The following SEMA3A variants were observed in gnomAD, a reference collection of about 807,000 sequenced individuals.
SEMA3A encodes the protein semaphorin-3A.
In SEMA3A, 29 loss-of-function variants were observed where a neutral mutation model predicts 97.9. That is an observed-to-expected ratio of 0.30 (90% CI 0.22 to 0.40). The LOEUF is 0.40. SEMA3A is among the 10% of genes least tolerant of loss of function. The pLI, the probability that SEMA3A is intolerant of heterozygous loss-of-function variation, is 1.00. For synonymous variants in SEMA3A, 321 were observed against 323.7 expected, an observed-to-expected ratio of 0.99 and a Z score of 0.09; for missense variants, 763 against 951.3, an observed-to-expected ratio of 0.80 and a Z score of 2.60.
intron 3 of SEMA3A, among the ~76,000 whole-genome samples, chr7:84,124,928 CTT>C (rs1489690074): frequency 6.6e-6 from 1 of 151,602 alleles, no homozygotes; most frequent in Non-Finnish European, 1.5e-5. Context: ...TAAAATATAT[CTT>C]GCATAAAAAA....
intron 1 of SEMA3A, among the ~76,000 whole-genome samples, chr7:84,447,649 G>T (rs572485978): frequency 7.7e-4 from 118 of 152,302 alleles, no homozygotes; most frequent in African/African-American, 2.8e-3. Context: ...TCTCCTAAGA[G>T]CTGTTCTGTC....
chr7:84,313,042 T>C (rs2115873193), intron 2 of SEMA3A, among the ~76,000 whole-genome samples: 1 of 144,132 alleles, frequency 6.9e-6, no homozygotes, highest in South Asian at 2.1e-4. Flanking sequence ...TACACATATA[T>C]AAGTGTATAT....
chr7:84,107,387 T>G (rs1795143358), intron 4 of SEMA3A, among the ~76,000 whole-genome samples: 1 of 152,206 alleles, frequency 6.6e-6, no homozygotes, highest in Non-Finnish European at 1.5e-5. Context: ...TTTCATAGAT[T>G]GACTGTCTAG....
intron 6 of SEMA3A, among the ~76,000 whole-genome samples, chr7:84,034,266 G>C (rs189960580): frequency 3.3e-5 from 5 of 152,302 alleles, no homozygotes; most frequent in African/African-American, 1.2e-4. Context: ...TTACAGGCAT[G>C]AGCCACTGCG....
chr7:84,405,947 G>A (rs1584298045), intron 1 of SEMA3A, among the ~76,000 whole-genome samples: 2 of 152,052 alleles, frequency 1.3e-5, no homozygotes, highest in South Asian at 2.1e-4. Flanking sequence ...GAGAAAGCAG[G>A]AAAGATCTAA....
At chr7:84,487,281 T>C (rs145059711) in intron 1 of SEMA3A, among the ~76,000 whole-genome samples, 206 of 152,064 alleles carry the variant, frequency 1.4e-3, no homozygotes, top group Non-Finnish European at 2.5e-3. Context: ...GAGCCCCCCA[T>C]GCAAAGGGAA....
chr7:84,038,588 C>G (rs1206199828), intron 6 of SEMA3A, among the ~76,000 whole-genome samples: 2 of 152,026 alleles, frequency 1.3e-5, no homozygotes, highest in African/African-American at 2.4e-5. Flanking sequence ...TTGCCGAAGT[C>G]AGACAGTAGG....
intron 4 of SEMA3A, among the ~76,000 whole-genome samples, chr7:84,078,056 T>G (rs537686701): frequency 6.6e-6 from 1 of 152,182 alleles, no homozygotes; most frequent in South Asian, 2.1e-4. Flanking sequence ...GAGAAACACT[T>G]TGAAGAAAAT....
At chr7:84,066,260 G>A (rs1013178047) in intron 4 of SEMA3A, among the ~76,000 whole-genome samples, 2 of 151,964 alleles carry the variant, frequency 1.3e-5, no homozygotes, top group African/African-American at 4.8e-5. Flanking sequence ...AGGTATTGAT[G>A]GGACGTATTT....
intron 3 of SEMA3A, among the ~76,000 whole-genome samples, chr7:84,229,216 A>T (rs900148972): frequency 3.9e-5 from 6 of 152,048 alleles, no homozygotes; most frequent in African/African-American, 1.4e-4. Flanking sequence ...GAGCAGTAGT[A>T]TTTTCCCTTG....
chr7:84,090,815 C>T (rs1249384969), intron 4 of SEMA3A, among the ~76,000 whole-genome samples: 1 of 151,920 alleles, frequency 6.6e-6, no homozygotes, highest in East Asian at 1.9e-4. Flanking sequence ...GCCTGTAATC[C>T]TAGCACTTTG....
In SEMA3A at chr7:84,063,439, G is replaced by C. The variant is rs544427739; in HGVS notation, c.454-2881C>G. ...ATGGAGAATGACTTTGACGAGCTGAGAGAAGAAGGCTTCAGACGATCAAAT... is the reference window on the plus strand; with the variant it reads ...ATGGAGAATGACTTTGACGAGCTGACAGAAGAAGGCTTCAGACGATCAAAT... On this transcript the variant is annotated intron_variant, in intron 4 of 16. Transcript: ENST00000265362. 1.5e-4 allele frequency among the ~76,000 whole-genome samples: 22 copies of C among 151,522 alleles called. 1 individual carries two copies. Among genetic ancestry groups the C allele is most frequent in the Admixed American group, 1.4e-3 (21 of 15,220 alleles).
chr7:83,992,802 G>C (rs1584517428), intron 12 of SEMA3A, among the ~76,000 whole-genome samples: 2 of 152,088 alleles, frequency 1.3e-5, no homozygotes, highest in Admixed American at 6.5e-5. Context: ...CTGTTGATTT[G>C]GGGTGGAGAG....
At chr7:84,081,706 C>G (rs1562766246) in intron 4 of SEMA3A, among the ~76,000 whole-genome samples, 1 of 149,692 alleles carries the variant, frequency 6.7e-6, no homozygotes, top group Non-Finnish European at 1.5e-5. Flanking sequence ...AATAAATAAA[C>G]TGAATGGAAA....
chr7:84,055,914 TAAAC>T (rs1792955885), intron 5 of SEMA3A, among the ~76,000 whole-genome samples: 1 of 152,174 alleles, frequency 6.6e-6, no homozygotes, highest in Non-Finnish European at 1.5e-5. Context: ...GTGAAAGAAA[TAAAC>T]ATTTGTCCAA....
At chr7:84,393,232 A>G (rs1361736353) in intron 1 of SEMA3A, among the ~76,000 whole-genome samples, 1 of 152,140 alleles carries the variant, frequency 6.6e-6, no homozygotes, top group African/African-American at 2.4e-5. Flanking sequence ...ATATGGTGTG[A>G]GATAAGGGTC....
intron 4 of SEMA3A, among the ~76,000 whole-genome samples, chr7:84,086,902 A>G (rs1794396454): frequency 7.3e-6 from 1 of 137,688 alleles, no homozygotes; most frequent in South Asian, 2.3e-4. Flanking sequence ...TCATCATGTT[A>G]AGTAGCTACT....
intron 3 of SEMA3A, among the ~76,000 whole-genome samples, chr7:84,128,356 G>T (rs914921952): frequency 3.3e-5 from 5 of 151,958 alleles, no homozygotes; most frequent in African/African-American, 1.2e-4. Context: ...AAGAAGAAAA[G>T]ATACGTAATT....
At chr7:84,091,605 C>A (rs74881656) in intron 4 of SEMA3A, among the ~76,000 whole-genome samples, 3 of 152,076 alleles carry the variant, frequency 2.0e-5, no homozygotes, top group African/African-American at 7.2e-5. Flanking sequence ...CACAGTATTC[C>A]TTTGAGGTAA....
Sources: allele counts gnomAD v4.1 joint callset (sites outside exome capture counted in the v4.1 genomes callset), GRCh38; gene constraint gnomAD v4.1.1; transcripts MANE v1.5; gene names NCBI Gene and HGNC (gene_info 2026-07-23, HGNC 2026-07-21).